The following C6orf118 variants were observed in gnomAD, a reference collection of about 807,000 sequenced individuals.
C6orf118 encodes uncharacterized protein C6orf118.
Under a neutral mutation model 50.2 loss-of-function variants are expected in C6orf118, and 50 were observed. The ratio of observed to expected loss-of-function variants is 1.00; its 90% confidence interval spans 0.79 to 1.26. The LOEUF (loss-of-function observed/expected upper bound fraction) is 1.26. Ranked by LOEUF, C6orf118 falls within the 50% of genes most tolerant of loss-of-function variation. The pLI, the probability that C6orf118 is intolerant of heterozygous loss-of-function variation, is 0.00. For synonymous variants in C6orf118, 239 were observed against 230.9 expected (o/e 1.03, Z -0.32); for missense variants, 641 against 578.7 (o/e 1.11, Z -1.10).
chr6:165,291,895 T>G (rs772552037), intron 6 of C6orf118, among the ~76,000 whole-genome samples: 5 of 152,142 alleles, frequency 3.3e-5, no homozygotes, highest in Non-Finnish European at 4.4e-5. Context: ...TTAGAAATAT[T>G]AATAACCCTT....
intron 5 of C6orf118, among the ~76,000 whole-genome samples, chr6:165,297,121 C>A (rs894875703): frequency 3.9e-5 from 6 of 152,012 alleles, no homozygotes; most frequent in Admixed American, 6.6e-5. Flanking sequence ...GTGAGAGAGA[C>A]CTTAAGACCA....
At chr6:165,301,502 A>G in intron 2 of C6orf118, 67 bp downstream of exon 2, 1 of 1,526,958 alleles carries the variant, frequency 6.5e-7, no homozygotes, top group South Asian at 1.3e-5. Context: ...GTGCCCTGAG[A>G]GCACTGCACC....
At chr6:165,303,133 T>A (rs1415867938) in intron 1 of C6orf118, among the ~76,000 whole-genome samples, 5 of 152,164 alleles carry the variant, frequency 3.3e-5, no homozygotes. Context: ...CATACCCTCC[T>A]CAGAGAAACT....
chr6:165,286,264 C>A (rs1313746352), intron 7 of C6orf118, among the ~76,000 whole-genome samples: 2 of 152,106 alleles, frequency 1.3e-5, no homozygotes, highest in Admixed American at 6.6e-5. Flanking sequence ...ATAATGAGTT[C>A]TGAAATTGAA....
Position 165,295,860 on chromosome 6 carries a change from A to C in C6orf118, c.1061+2117T>G, listed in dbSNP as rs371706729. On this transcript the variant is annotated intron_variant, in intron 5 of 8. Coordinates refer to ENST00000230301, the MANE Select transcript of C6orf118 (RefSeq NM_144980.4). ...TTCCCTTAACCCCCTTCTCACATGT[A>C]TTATTACCATTTCAAAGTTGTCTTC... Among the ~76,000 whole-genome samples the C allele has an allele frequency of 3.4e-4, 52 of 152,052 alleles. No homozygotes were observed. The South Asian group carries it at 0.011, about 32-fold the overall frequency.
At position 165,280,002 on chromosome 6, in the gene C6orf118, C is replaced by T. The variant is rs781206429; in HGVS notation, c.*55G>A. On this transcript the variant is annotated 3_prime_UTR_variant, in exon 9 of 9. Transcript: ENST00000230301. ...GTATATGCATCTGCAAATATCCATG[C>T]TACATACATGGAAGTTAAGAATTTC... 6.6e-7 allele frequency: 1 copy of T among 1,522,610 alleles called. No individual in the cohort carries two copies. Among genetic ancestry groups the T allele is most frequent in the Non-Finnish European group, 9.0e-7 (1 of 1,116,622 alleles). 94.3% of individuals were successfully genotyped at this position (1,522,610 alleles called of 1,614,324 possible).
At position 165,302,058 on chromosome 6, in the gene C6orf118, C is replaced by G. The variant is rs1272524073; in HGVS notation, c.264G>C (p.Gly88=). 1.2e-6 allele frequency: 2 copies of G among 1,613,652 alleles called. No homozygotes were observed. The highest frequency in any genetic ancestry group is 2.2e-5 in the East Asian group (1 of 44,842). Residue 88 remains glycine (G), a synonymous_variant, in exon 2 of 9, where the codon GGG becomes GGC. Coordinates refer to ENST00000230301, the MANE Select transcript of C6orf118 (RefSeq NM_144980.4). ...QHWPNAHRPK[G]ERASEVGEPP... Reference sequence around the variant, plus strand: ...GCTCTCCCACCTCAGAGGCGCGCTCCCCCTTGGGCCGGTGGGCATTGGGCC... The same window carrying G: ...GCTCTCCCACCTCAGAGGCGCGCTCGCCCTTGGGCCGGTGGGCATTGGGCC...
intron 7 of C6orf118, among the ~76,000 whole-genome samples, chr6:165,284,612 C>T (rs1293276087): frequency 6.6e-6 from 1 of 152,182 alleles, no homozygotes; most frequent in Non-Finnish European, 1.5e-5. Flanking sequence ...ATCCATCAGA[C>T]TAACAGCATG....
intron 4 of C6orf118, 92 bp from the exon 5 acceptor site, chr6:165,298,193 G>T: frequency 6.9e-7 from 1 of 1,438,968 alleles, no homozygotes; most frequent in Non-Finnish European, 9.1e-7. Context: ...TTTTCAAGGT[G>T]CCCTGGGTTA....
chr6:165,309,483 G>C (rs1445065265), intron 1 of C6orf118, 79 bp downstream of exon 1: 8 of 1,530,122 alleles, frequency 5.2e-6, no homozygotes, highest in Non-Finnish European at 7.2e-6. Context: ...TTTCAAATCA[G>C]TCTTCAGAAG....
rs1780435321 is a variant in C6orf118, at chr6:165,299,489, A to C, written c.890T>G (p.Leu297Arg). The C allele has an allele frequency of 3.1e-6, 5 of 1,613,964 alleles. No homozygotes were observed. In the Admixed American group the frequency reaches 8.3e-5, roughly 27 times the overall value. The change falls in exon 4 of 9, where the codon CTC (leucine) becomes CGC (arginine). Residue 297 changes from leucine (L) to arginine (R), a missense_variant. Physicochemically the swap from Leu to Arg is moderately radical, Grantham distance 102 (BLOSUM62 -2). Coordinates refer to ENST00000230301, the MANE Select transcript of C6orf118 (RefSeq NM_144980.4). ...LLKKVKDEYE[L>R]YMATLLESQP... ...GGACTCCAGGAGCGTTGCCATGTAGAGTTCATATTCATCCTGTACAGAAAC... is the reference window on the plus strand; with the variant it reads ...GGACTCCAGGAGCGTTGCCATGTAGCGTTCATATTCATCCTGTACAGAAAC...
chr6:165,292,859 C>G (rs1210815919), intron 6 of C6orf118, among the ~76,000 whole-genome samples: 1 of 152,156 alleles, frequency 6.6e-6, no homozygotes, highest in Non-Finnish European at 1.5e-5. Context: ...TAAAAGCACT[C>G]TGGCAAGGAT....
chr6:165,282,463 C>G (rs1184555915), intron 7 of C6orf118, among the ~76,000 whole-genome samples: 1 of 152,046 alleles, frequency 6.6e-6, no homozygotes, highest in Non-Finnish European at 1.5e-5. Context: ...AATATTAAGT[C>G]TACTGCTTGC....
At chr6:165,292,173 G>T (rs1179473141) in intron 6 of C6orf118, among the ~76,000 whole-genome samples, 1 of 152,184 alleles carries the variant, frequency 6.6e-6, no homozygotes, top group Non-Finnish European at 1.5e-5. Flanking sequence ...AAAAAGGAAT[G>T]TCAAGCCCAG....
intron 7 of C6orf118, among the ~76,000 whole-genome samples, chr6:165,285,045 A>G (rs1779855399): frequency 6.6e-6 from 1 of 152,230 alleles, no homozygotes; most frequent in East Asian, 1.9e-4. Flanking sequence ...GTCAAGACCC[A>G]TCAGTGTGCT....
intron 6 of C6orf118, 114 bp from the exon 7 acceptor site, chr6:165,290,181 T>C: frequency 1.6e-6 from 1 of 635,324 alleles, no homozygotes; most frequent in Non-Finnish European, 2.5e-6. Flanking sequence ...AACTATAAAA[T>C]ATAATTCAAA....
At chr6:165,299,216 C>T (rs1181292607) in intron 4 of C6orf118, among the ~76,000 whole-genome samples, 1 of 152,142 alleles carries the variant, frequency 6.6e-6, no homozygotes, top group East Asian at 1.9e-4. Flanking sequence ...ATAGTTATGT[C>T]GCTTGTTTGG....
intron 1 of C6orf118, 80 bp from the exon 2 acceptor site, chr6:165,302,376 G>C: frequency 6.6e-7 from 1 of 1,510,474 alleles, no homozygotes; most frequent in Non-Finnish European, 8.9e-7. Context: ...GCTGAGAGGC[G>C]TAGCCCCTGA....
At chr6:165,307,532 T>C (rs1353656115) in intron 1 of C6orf118, among the ~76,000 whole-genome samples, 1 of 150,004 alleles carries the variant, frequency 6.7e-6, no homozygotes, top group Non-Finnish European at 1.5e-5. Flanking sequence ...CACTCCAGCC[T>C]GGACGACAGA....
Sources: gnomAD v4.1 joint callset for allele counts (sites outside exome capture counted in the v4.1 genomes callset) on GRCh38, gnomAD v4.1.1 for gene constraint, MANE v1.5 for transcripts, NCBI Gene and HGNC (gene_info 2026-07-23, HGNC 2026-07-21) for gene names.